GLIS1: variants seen among roughly 807,000 people sequenced by gnomAD.
GLIS1 encodes the protein GLIS family zinc finger 1, also known as zinc finger protein GLIS1.
Under a neutral mutation model 63.8 loss-of-function variants are expected in GLIS1, and 24 were observed. That is an observed-to-expected ratio of 0.38 (90% CI 0.27 to 0.53). The LOEUF (loss-of-function observed/expected upper bound fraction) is 0.53. Ranked by LOEUF, GLIS1 falls within the 20% of genes least tolerant of loss-of-function variation. The pLI, the probability that GLIS1 is intolerant of heterozygous loss-of-function variation, is 0.85. For missense variants in GLIS1, 1,036 were observed against 1,074.1 expected (o/e 0.96, Z 0.50); for synonymous variants, 450 against 482.5 (o/e 0.93, Z 0.88).
intron 4 of GLIS1, among the ~76,000 whole-genome samples, chr1:53,552,073 C>T (rs1644765680): frequency 6.6e-6 from 1 of 152,072 alleles, no homozygotes; most frequent in African/African-American, 2.4e-5. Context: ...GATCCAGTCA[C>T]ATAAACACAC....
chr1:53,552,131 A>G (rs999744411), intron 4 of GLIS1, among the ~76,000 whole-genome samples: 1 of 152,120 alleles, frequency 6.6e-6, no homozygotes, highest in Non-Finnish European at 1.5e-5. Flanking sequence ...ATGCCCAGAT[A>G]CATTCAACCA....
At chr1:53,718,704 T>A (rs1460865114) in intron 2 of GLIS1, among the ~76,000 whole-genome samples, 2 of 152,084 alleles carry the variant, frequency 1.3e-5, no homozygotes, top group Non-Finnish European at 2.9e-5. Flanking sequence ...CCCCACCCCC[T>A]ACTCCTAGAA....
At chr1:53,663,423 T>C (rs1646051248) in intron 2 of GLIS1, among the ~76,000 whole-genome samples, 1 of 152,214 alleles carries the variant, frequency 6.6e-6, no homozygotes, top group Non-Finnish European at 1.5e-5. Flanking sequence ...GGGGCCATGC[T>C]GAGCACTTTC....
chr1:53,605,099 G>T (rs763848463), intron 2 of GLIS1, among the ~76,000 whole-genome samples: 11 of 152,194 alleles, frequency 7.2e-5, no homozygotes, highest in Admixed American at 5.2e-4. Context: ...TCTGAAATGA[G>T]CATACTTTTT....
intron 4 of GLIS1, among the ~76,000 whole-genome samples, chr1:53,547,272 G>C (rs537631995): frequency 1.3e-5 from 2 of 152,256 alleles, no homozygotes; most frequent in Non-Finnish European, 2.9e-5. Flanking sequence ...CAGAGACAGA[G>C]AGCCAGGGCT....
In GLIS1 at chr1:53,734,924, C is replaced by T. The variant is rs148563942; in HGVS notation, c.259+2882G>A. Among the ~76,000 whole-genome samples, 647 of 152,302 alleles carry T rather than the reference C, an allele frequency of 4.2e-3. 2 individuals carry two copies. Among genetic ancestry groups the T allele is most frequent in the Non-Finnish European group, 6.3e-3 (432 of 68,034 alleles). ...TGGAATCTGGATAAACGGGACTCTG[C>T]CATAAACAGATCATGATTCTTATTG... On this transcript the variant is annotated intron_variant, in intron 2 of 10. Transcript: ENST00000628545.
intron 4 of GLIS1, among the ~76,000 whole-genome samples, chr1:53,566,128 C>T (rs901960356): frequency 4.6e-5 from 7 of 152,066 alleles, no homozygotes; most frequent in African/African-American, 1.7e-4. Context: ...AAATTCAATG[C>T]ACATATATTC....
At chr1:53,531,469 A>C (rs1644530478) in intron 4 of GLIS1, among the ~76,000 whole-genome samples, 1 of 152,162 alleles carries the variant, frequency 6.6e-6, no homozygotes, top group African/African-American at 2.4e-5. Context: ...GGCTCATTTC[A>C]GACCCTGTGA....
intron 2 of GLIS1, among the ~76,000 whole-genome samples, chr1:53,707,300 G>A (rs1348571633): frequency 5.3e-5 from 8 of 152,166 alleles, no homozygotes; most frequent in African/African-American, 1.2e-4. Flanking sequence ...TCTGATCCTC[G>A]TCTAATAGGA....
intron 2 of GLIS1, among the ~76,000 whole-genome samples, chr1:53,666,871 C>T (rs934108210): frequency 5.9e-5 from 9 of 152,198 alleles, no homozygotes; most frequent in Non-Finnish European, 1.0e-4. Context: ...CCTCCCTCCT[C>T]ACAGGTTCAA....
At chr1:53,554,177 T>C (rs1644793285) in intron 4 of GLIS1, among the ~76,000 whole-genome samples, 1 of 152,192 alleles carries the variant, frequency 6.6e-6, no homozygotes, top group African/African-American at 2.4e-5. Context: ...CTCAAGGGAC[T>C]TTCCCATCTG....
At chr1:53,628,775 C>T (rs1014829627) in intron 2 of GLIS1, among the ~76,000 whole-genome samples, 2 of 152,036 alleles carry the variant, frequency 1.3e-5, no homozygotes, top group Non-Finnish European at 2.9e-5. Context: ...AGGGTGGAGA[C>T]GGGATGGATT....
chr1:53,532,404 C>T lies in GLIS1; in HGVS notation c.1321-2452G>A, dbSNP rs189415273. Among the ~76,000 whole-genome samples the T allele has an allele frequency of 5.1e-3, 784 of 152,280 alleles. 4 individuals carry two copies. Among genetic ancestry groups the T allele is most frequent in the Non-Finnish European group, 7.2e-3 (493 of 68,022 alleles). On this transcript the variant is annotated intron_variant, in intron 4 of 10. Coordinates refer to ENST00000628545, the MANE Select transcript of GLIS1 (RefSeq NM_001367484.1). ...CCGGGACAGCTCCCTCTGCGCCTGT[C>T]CCCTGGAAGCCCAGTCACAACTTGG...
rs572927046 is a variant in GLIS1, at chr1:53,660,768, TG to T, written c.260-60491del. ...CTATCTGGCTGGATGGGGGCTCTCC[TG>T]GTGCTCAGGTTTATGGGAGTGTGTA... On this transcript the variant is annotated intron_variant, in intron 2 of 10. Transcript: ENST00000628545. 2.2e-3 allele frequency among the ~76,000 whole-genome samples: 336 copies of T among 152,276 alleles called. 2 individuals carry two copies. Among genetic ancestry groups the T allele is most frequent in the African/African-American group, 7.7e-3 (321 of 41,560 alleles).
chr1:53,508,046 GGTGCACAC>G (rs1410311170), intron 10 of GLIS1, among the ~76,000 whole-genome samples: 7 of 152,334 alleles, frequency 4.6e-5, no homozygotes, highest in East Asian at 3.9e-4. Context: ...CTCAAACACA[GGTGCACAC>G]GTGCACACAA....
chr1:53,541,994 G>C (rs1644648372), intron 4 of GLIS1, among the ~76,000 whole-genome samples: 1 of 152,248 alleles, frequency 6.6e-6, no homozygotes, highest in African/African-American at 2.4e-5. Flanking sequence ...CTAAGGAAGG[G>C]GGAGGGCCAC....
chr1:53,592,363 A>C (rs1042767306), intron 4 of GLIS1, among the ~76,000 whole-genome samples: 20 of 152,208 alleles, frequency 1.3e-4, no homozygotes, highest in African/African-American at 4.6e-4. Context: ...GCCAGGTGTA[A>C]GCCAGTGTCC....
intron 2 of GLIS1, among the ~76,000 whole-genome samples, chr1:53,603,014 G>A (rs778379728): frequency 2.0e-5 from 3 of 152,230 alleles, no homozygotes; most frequent in Non-Finnish European, 4.4e-5. Flanking sequence ...GTTTGCCAAG[G>A]TCACACAGGG....
chr1:53,620,543 T>C (rs1238631373), intron 2 of GLIS1, among the ~76,000 whole-genome samples: 1 of 152,214 alleles, frequency 6.6e-6, no homozygotes, highest in East Asian at 1.9e-4. Context: ...GTCAACAAGA[T>C]GGATGTTGTT....
Sources: gnomAD v4.1 joint callset for allele counts (sites outside exome capture counted in the v4.1 genomes callset) on GRCh38, gnomAD v4.1.1 for gene constraint, MANE v1.5 for transcripts, NCBI Gene and HGNC (gene_info 2026-07-23, HGNC 2026-07-21) for gene names.